DRD3: variants seen among roughly 807,000 people sequenced by gnomAD.
DRD3 encodes the protein D(3) dopamine receptor.
Under a neutral mutation model 36.3 loss-of-function variants are expected in DRD3, and 19 were observed. The ratio of observed to expected loss-of-function variants is 0.52; its 90% CI spans 0.36 to 0.77. The LOEUF (loss-of-function observed/expected upper bound fraction) is 0.77, where lower values mean the gene tolerates loss of function less well. DRD3 is among the 30% of genes least tolerant of loss of function. The probability of loss-of-function intolerance (pLI) is 0.00; values close to 1 mark genes in which losing one functional copy is unlikely to be tolerated. For synonymous variants in DRD3, 195 were observed against 203.7 expected (o/e 0.96, Z 0.36); for missense variants, 465 against 505.3 (o/e 0.92, Z 0.77).
At chr3:114,181,130 G>C, upstream of DRD3, among the ~76,000 whole-genome samples, 1 of 152,150 alleles carries the variant, frequency 6.6e-6, no homozygotes, top group East Asian at 1.9e-4. Context: ...TGTAAATGCT[G>C]GCAAGATATT....
chr3:114,171,743 G>T lies in DRD3; in HGVS notation c.250C>A (p.Pro84Thr). Residue 84 changes from proline to threonine, a missense_variant, in exon 2 of 7, where the codon CCC becomes ACC. Physicochemically the swap from Pro to Thr is conservative, Grantham distance 38. Transcript: ENST00000383673. ...CTCACCTCCAGGTATACCACCCAGGGCATCACCAAGGTGGCCACCAGCAAG... is the reference window on the plus strand; with the variant it reads ...CTCACCTCCAGGTATACCACCCAGGTCATCACCAAGGTGGCCACCAGCAAG... ...ADLLVATLVM[P>T]WVVYLEVTGG... 1 of 1,608,860 alleles carries T rather than the reference G, an allele frequency of 6.2e-7. No homozygotes were observed. Among genetic ancestry groups the T allele is most frequent in the Non-Finnish European group, 8.5e-7 (1 of 1,177,254 alleles).
intron 1 of DRD3, among the ~76,000 whole-genome samples, chr3:114,194,481 C>T (rs552244164): frequency 3.9e-5 from 6 of 152,222 alleles, no homozygotes; most frequent in African/African-American, 1.4e-4. Flanking sequence ...CGGGGTTTTA[C>T]CATGTTGGCC....
chr3:114,160,591 G>C (rs548122293), intron 2 of DRD3, among the ~76,000 whole-genome samples: 2 of 152,316 alleles, frequency 1.3e-5, no homozygotes, highest in South Asian at 4.1e-4. Flanking sequence ...TGCCAAAACT[G>C]TCTCTCTGAA....
At chr3:114,190,129 G>A (rs1214361985) in intron 1 of DRD3, among the ~76,000 whole-genome samples, 2 of 151,906 alleles carry the variant, frequency 1.3e-5, no homozygotes, top group Middle Eastern at 3.2e-3. Flanking sequence ...GATAGAGCCA[G>A]TATCACAAAC....
intron 3 of DRD3, among the ~76,000 whole-genome samples, chr3:114,156,372 T>C (rs2077667459): frequency 1.3e-5 from 2 of 152,206 alleles, no homozygotes; most frequent in South Asian, 4.1e-4. Context: ...GATCTCTTCT[T>C]GACAGCATCT....
intron 1 of DRD3, among the ~76,000 whole-genome samples, chr3:114,185,713 T>C (rs2077971712): frequency 1.3e-5 from 2 of 152,158 alleles, no homozygotes; most frequent in African/African-American, 4.8e-5. Flanking sequence ...GCTTGGTCTG[T>C]CACCCAGGCT....
At chr3:114,147,669 G>A (rs1395334754) in intron 3 of DRD3, 112 bp from the exon 4 acceptor site, 2 of 1,297,110 alleles carry the variant, frequency 1.5e-6, no homozygotes, top group Non-Finnish European at 2.1e-6. Flanking sequence ...CTGTCACCCA[G>A]GCAGAAGTGC....
In DRD3 at chr3:114,185,263, C is replaced by A. The variant is rs745483406; in HGVS notation, c.-155-6487G>T. ...TTAGTTGGTTCACTTGATGGTGTCTCCTATGTCTTTTAGGCTCTGTTCACT... is the reference window on the plus strand; with the variant it reads ...TTAGTTGGTTCACTTGATGGTGTCTACTATGTCTTTTAGGCTCTGTTCACT... On this transcript the variant is annotated intron_variant, in intron 1 of 7. Transcript: ENST00000460779. 7.0e-4 allele frequency among the ~76,000 whole-genome samples: 107 copies of A among 152,106 alleles called. 4 individuals carry two copies. Among genetic ancestry groups the A allele is most frequent in the Non-Finnish European group, 1.6e-4 (11 of 68,016 alleles).
rs1033010155 is a variant in DRD3, at chr3:114,156,489, C to T, written c.383+3266G>A. Among the ~76,000 whole-genome samples, 14 of 151,458 alleles carry T rather than the reference C, an allele frequency of 9.2e-5. No homozygotes were observed. The East Asian group carries it at 2.7e-3, about 29-fold the overall frequency. On this transcript the variant is annotated intron_variant, in intron 3 of 6. Coordinates refer to ENST00000383673, the MANE Select transcript of DRD3 (RefSeq NM_000796.6). ...TTGCCGTTTTTTTTTTCAAAATTTC[C>T]CCTACTTTTCCTTTCTTGTTTCCTC...
chr3:114,159,593 TC>T (rs1239054074), intron 3 of DRD3, among the ~76,000 whole-genome samples, 161 bp downstream of exon 3: 1 of 152,186 alleles, frequency 6.6e-6, no homozygotes, highest in Admixed American at 6.5e-5. Context: ...CGCAGGGGTT[TC>T]TTCTCACCTG....
chr3:114,191,371 G>A (rs1482635850), intron 1 of DRD3, among the ~76,000 whole-genome samples: 2 of 152,232 alleles, frequency 1.3e-5, no homozygotes, highest in African/African-American at 4.8e-5. Context: ...AGGTCAGTGG[G>A]AAGAGTATTC....
intron 1 of DRD3, chr3:114,175,949 C>G (rs1302266945): frequency 6.6e-6 from 1 of 152,270 alleles, no homozygotes; most frequent in Non-Finnish European, 1.5e-5. Context: ...CTTTTAAATG[C>G]CTTACAAAGT....
chr3:114,169,150 G>A (rs1458902826), intron 2 of DRD3, among the ~76,000 whole-genome samples: 1 of 151,526 alleles, frequency 6.6e-6, no homozygotes, highest in African/African-American at 2.4e-5. Flanking sequence ...TGAGGAACAT[G>A]GATTTATGTA....
intron 3 of DRD3, among the ~76,000 whole-genome samples, chr3:114,157,616 C>CA: frequency 6.6e-6 from 1 of 152,178 alleles, no homozygotes; most frequent in East Asian, 1.9e-4. Flanking sequence ...TTTCCTTTTA[C>CA]ATGCTGAAGT....
At chr3:114,143,680 C>T (rs1368944855) in intron 4 of DRD3, among the ~76,000 whole-genome samples, 2 of 152,172 alleles carry the variant, frequency 1.3e-5, no homozygotes, top group Non-Finnish European at 2.9e-5. Context: ...TGCAACTAAG[C>T]TCCCCCTCCC....
intron 2 of DRD3, among the ~76,000 whole-genome samples, chr3:114,163,573 C>T (rs981742661): frequency 2.0e-5 from 3 of 152,166 alleles, no homozygotes; most frequent in Non-Finnish European, 4.4e-5. Flanking sequence ...AGTATAGTGG[C>T]TTGCCTCTTC....
At chr3:114,130,486 G>A (rs573228946) in intron 6 of DRD3, among the ~76,000 whole-genome samples, 1 of 149,644 alleles carries the variant, frequency 6.7e-6, no homozygotes, top group Admixed American at 6.7e-5. Context: ...GTGCAGTGGC[G>A]TGATCTTGGC....
At chr3:114,157,105 G>A (rs1405517414) in intron 3 of DRD3, among the ~76,000 whole-genome samples, 2 of 149,886 alleles carry the variant, frequency 1.3e-5, no homozygotes, top group African/African-American at 2.5e-5. Flanking sequence ...CCAGGCTGGA[G>A]TGCAATGGTG....
upstream of DRD3, among the ~76,000 whole-genome samples, chr3:114,180,194 C>T (rs1306081933): frequency 6.6e-6 from 1 of 151,890 alleles, no homozygotes; most frequent in African/African-American, 2.4e-5. Flanking sequence ...ATTAATAATA[C>T]ATTTGTATAT....
Sources: gnomAD v4.1 joint callset for allele counts (sites outside exome capture counted in the v4.1 genomes callset) on GRCh38, gnomAD v4.1.1 for gene constraint, MANE v1.5 for transcripts, NCBI Gene and HGNC (gene_info 2026-07-23, HGNC 2026-07-21) for gene names.